The following EVI5 variants were observed in gnomAD, a reference collection of about 807,000 sequenced individuals.
EVI5 encodes ecotropic viral integration site 5 protein homolog.
A neutral mutation model predicts 112.0 loss-of-function variants in EVI5; 73 were observed. The ratio of observed to expected loss-of-function variants is 0.65; its 90% CI spans 0.54 to 0.79. The LOEUF (loss-of-function observed/expected upper bound fraction) is 0.79, where lower values mean the gene tolerates loss of function less well. EVI5 is among the 30% of genes least tolerant of loss of function. The pLI is 0.00. For synonymous variants in EVI5, 305 were observed against 319.9 expected (o/e 0.95, Z 0.50); for missense variants, 900 against 968.8 (o/e 0.93, Z 0.94).
At chr1:92,720,370 C>T (rs573451284) in intron 2 of EVI5, among the ~76,000 whole-genome samples, 32 of 151,976 alleles carry the variant, frequency 2.1e-4, no homozygotes, top group South Asian at 4.2e-4. Context: ...GAAATAACAC[C>T]GCACATCTAC....
intron 19 of EVI5, among the ~76,000 whole-genome samples, chr1:92,534,005 T>A (rs969254935): frequency 6.6e-6 from 1 of 152,214 alleles, no homozygotes; most frequent in Admixed American, 6.5e-5. Context: ...TGTTTGCAGA[T>A]GACATGATTG....
At chr1:92,681,706 T>C (rs1340084903) in intron 9 of EVI5, among the ~76,000 whole-genome samples, 3 of 152,174 alleles carry the variant, frequency 2.0e-5, no homozygotes, top group Non-Finnish European at 4.4e-5. Context: ...AGGAGGACAA[T>C]AACCAACAAA....
intron 19 of EVI5, among the ~76,000 whole-genome samples, chr1:92,528,592 T>G (rs1318280690): frequency 6.6e-6 from 1 of 152,194 alleles, no homozygotes; most frequent in Non-Finnish European, 1.5e-5. Flanking sequence ...CTACAATATA[T>G]TCATATGAGA....
At chr1:92,648,377 A>T (rs1407306086) in intron 13 of EVI5, among the ~76,000 whole-genome samples, 1 of 151,164 alleles carries the variant, frequency 6.6e-6, no homozygotes. Context: ...AGTCTCAAAA[A>T]AATAATAATA....
chr1:92,530,374 T>C (rs1294451996), intron 19 of EVI5, among the ~76,000 whole-genome samples: 1 of 152,100 alleles, frequency 6.6e-6, no homozygotes, highest in African/African-American at 2.4e-5. Context: ...AGCAGACTTA[T>C]ACATCCCTGC....
In EVI5 at chr1:92,702,182, A is replaced by G; in HGVS notation, c.598T>C (p.Cys200Arg). 1 of 1,515,030 alleles carries G rather than the reference A, an allele frequency of 6.6e-7. No individual in the cohort carries two copies. Among genetic ancestry groups the G allele is most frequent in the Non-Finnish European group, 8.8e-7 (1 of 1,137,130 alleles). The allele number at this position is 1,515,030 out of a possible 1,614,324, so 93.8% of individuals were successfully genotyped here. A position where few individuals can be genotyped will look rare whatever the true frequency, so the allele number is the denominator to read the frequency against. Residue 200 changes from cysteine (C) to arginine (R), a missense_variant, in exon 5 of 20, where the codon TGT becomes CGT. Physicochemically the swap from Cys to Arg is radical, Grantham distance 180 (BLOSUM62 -3). Transcript: ENST00000684568. ...CCAACTATAAAAGCACTTCCTTGAC[A>G]GTAACCAACCTCACGATCTACTAAA... Reference protein sequence around the residue: ...YSLVDREVGYCQGSAFIVGLL... With the variant: ...YSLVDREVGYRQGSAFIVGLL...
chr1:92,584,197 A>G (rs2101123970), intron 18 of EVI5, among the ~76,000 whole-genome samples: 2 of 152,320 alleles, frequency 1.3e-5, no homozygotes, highest in Middle Eastern at 3.4e-3. Flanking sequence ...TCTCTTTCGT[A>G]AAAAATCAAA....
intron 13 of EVI5, among the ~76,000 whole-genome samples, chr1:92,645,505 G>A (rs1660771338): frequency 6.6e-6 from 1 of 152,136 alleles, no homozygotes; most frequent in Admixed American, 6.5e-5. Context: ...TAGCTACACA[G>A]CAACCTACTT....
At chr1:92,519,741 C>T (rs1300750838) in intron 19 of EVI5, among the ~76,000 whole-genome samples, 6 of 151,618 alleles carry the variant, frequency 4.0e-5, no homozygotes, top group Non-Finnish European at 8.8e-5. Flanking sequence ...ACTAAAAATA[C>T]AAAAATTAGT....
chr1:92,735,655 T>A (rs61494525), intron 2 of EVI5, among the ~76,000 whole-genome samples: 3 of 142,216 alleles, frequency 2.1e-5, no homozygotes, highest in Non-Finnish European at 3.0e-5. Context: ...TATATATAAT[T>A]ATATAATTCA....
At chr1:92,564,682 ATTTTTTT>A (rs11313353) in intron 18 of EVI5, among the ~76,000 whole-genome samples, 1 of 126,306 alleles carries the variant, frequency 7.9e-6, no homozygotes, top group African/African-American at 3.1e-5. Context: ...TCAGATAAAG[ATTTTTTT>A]TTTTTTTTTT....
chr1:92,761,182 TC>T (rs2102990713), intron 1 of EVI5, among the ~76,000 whole-genome samples: 1 of 152,176 alleles, frequency 6.6e-6, no homozygotes, highest in South Asian at 2.1e-4. Flanking sequence ...TACAAGTACC[TC>T]AAGTTTCATA....
chr1:92,535,852 T>G (rs1663802349), intron 19 of EVI5, among the ~76,000 whole-genome samples: 1 of 151,924 alleles, frequency 6.6e-6, no homozygotes, highest in Non-Finnish European at 1.5e-5. Flanking sequence ...GGCACGTGTA[T>G]ACCTATGTAA....
chr1:92,645,463 T>C (rs944630576), intron 13 of EVI5, among the ~76,000 whole-genome samples: 3 of 151,692 alleles, frequency 2.0e-5, no homozygotes, highest in East Asian at 3.9e-4. Flanking sequence ...GGAAAGTCAC[T>C]GTCATTAGCT....
intron 2 of EVI5, among the ~76,000 whole-genome samples, chr1:92,731,659 C>CA (rs970244266): frequency 1.3e-5 from 2 of 152,058 alleles, no homozygotes; most frequent in Non-Finnish European, 2.9e-5. Flanking sequence ...TATAAGCCTA[C>CA]AATAATCAAG....
intron 19 of EVI5, among the ~76,000 whole-genome samples, chr1:92,521,894 G>T (rs1291884249): frequency 2.6e-5 from 4 of 151,962 alleles, no homozygotes; most frequent in Non-Finnish European, 4.4e-5. Flanking sequence ...TCAACTAAAG[G>T]CACCTTAGAA....
intron 9 of EVI5, among the ~76,000 whole-genome samples, chr1:92,690,033 C>T (rs1009607018): frequency 6.6e-6 from 1 of 152,062 alleles, no homozygotes. Context: ...GGACTACAGG[C>T]ACCTGGTTAG....
intron 13 of EVI5, among the ~76,000 whole-genome samples, chr1:92,655,792 T>C (rs1043833247): frequency 6.6e-6 from 1 of 152,170 alleles, no homozygotes; most frequent in African/African-American, 2.4e-5. Context: ...CCTAAATATA[T>C]ATGTACCCGA....
chr1:92,790,823 C>CAA (rs796844421), intron 1 of EVI5, among the ~76,000 whole-genome samples: 1 of 124,218 alleles, frequency 8.1e-6, no homozygotes, highest in Non-Finnish European at 1.7e-5. Context: ...GATCCTGTCT[C>CAA]AAAAAAAAAA....
Sources: allele counts gnomAD v4.1 joint callset (sites outside exome capture counted in the v4.1 genomes callset), GRCh38; gene constraint gnomAD v4.1.1; transcripts MANE v1.5; gene names NCBI Gene and HGNC (gene_info 2026-07-23, HGNC 2026-07-21).